Variants in TMEM132B observed in about 807,000 individuals in gnomAD.
TMEM132B encodes transmembrane protein 132B.
In TMEM132B, 18 loss-of-function variants were observed where a neutral mutation model predicts 90.8. The ratio of observed to expected loss-of-function variants is 0.20; its 90% CI spans 0.14 to 0.29. The LOEUF is 0.29. TMEM132B is among the 10% of genes least tolerant of loss of function. TMEM132B has a pLI of 1.00. For synonymous variants in TMEM132B, 504 were observed against 523.3 expected, an observed-to-expected ratio of 0.96 and a Z score of 0.50; for missense variants, 1,096 against 1,326.8, an observed-to-expected ratio of 0.83 and a Z score of 2.70.
intron 4 of TMEM132B, among the ~76,000 whole-genome samples, chr12:125,576,461 T>C (rs1884943393): frequency 6.9e-6 from 1 of 145,360 alleles, no homozygotes; most frequent in Non-Finnish European, 1.5e-5. Context: ...TTTCAATTAA[T>C]CCCCCCCACC....
At chr12:125,568,701 C>T (rs1176874045) in intron 4 of TMEM132B, among the ~76,000 whole-genome samples, 1 of 152,196 alleles carries the variant, frequency 6.6e-6, no homozygotes, top group Admixed American at 6.5e-5. Flanking sequence ...AGAGCTTTTA[C>T]CACTCACTTT....
intron 3 of TMEM132B, among the ~76,000 whole-genome samples, chr12:125,436,980 A>G (rs1880725648): frequency 6.6e-6 from 1 of 152,202 alleles, no homozygotes; most frequent in South Asian, 2.1e-4. Context: ...GGTCATCTCT[A>G]GAGCACAGGT....
At position 125,491,062 on chromosome 12, in the gene TMEM132B, A is replaced by T. The variant is rs558293152; in HGVS notation, c.1107-28377A>T. 7.9e-5 allele frequency among the ~76,000 whole-genome samples: 12 copies of T among 152,210 alleles called. No individual in the cohort carries two copies. The South Asian group carries it at 1.9e-3, about 24-fold the overall frequency. ...ACCAGTCAAGCCTTTGGATGACTGCAGCCCTGGATGACAGCTTGACTGCAA... is the reference window on the plus strand; with the variant it reads ...ACCAGTCAAGCCTTTGGATGACTGCTGCCCTGGATGACAGCTTGACTGCAA... On this transcript the variant is annotated intron_variant, in intron 3 of 8. Coordinates refer to ENST00000682704, the MANE Select transcript of TMEM132B (RefSeq NM_001366854.1).
chr12:125,268,454 T>G (rs1874746057), intron 1 of TMEM132B, among the ~76,000 whole-genome samples: 1 of 152,216 alleles, frequency 6.6e-6, no homozygotes, highest in Non-Finnish European at 1.5e-5. Context: ...TGTTGGTGCA[T>G]AGCCATACAG....
At position 125,656,904 on chromosome 12, in the gene TMEM132B, G is replaced by A. The variant is rs892561898; in HGVS notation, c.*2194G>A. ...AAATGATGAACCTCCGCTGAAACGGGGAGGAAATCTCTTACACACATACAG... is the reference window on the plus strand; with the variant it reads ...AAATGATGAACCTCCGCTGAAACGGAGAGGAAATCTCTTACACACATACAG... On this transcript the variant is annotated 3_prime_UTR_variant, in exon 9 of 9. Transcript: ENST00000682704. 1.3e-5 allele frequency: 2 copies of A among 152,228 alleles called. No individual in the cohort carries two copies. The highest frequency in any genetic ancestry group is 2.9e-5 in the Non-Finnish European group (2 of 68,058). The allele number at this position is 152,228 out of a possible 1,614,324, so 9.4% of individuals were successfully genotyped here.
intron 3 of TMEM132B, among the ~76,000 whole-genome samples, chr12:125,439,584 T>C (rs1405976397): frequency 6.6e-6 from 1 of 152,208 alleles, no homozygotes; most frequent in African/African-American, 2.4e-5. Flanking sequence ...ATTATGATGT[T>C]TTCTAGGTAT....
intron 4 of TMEM132B, 142 bp from the exon 5 acceptor site, chr12:125,583,709 C>G (rs971305879): frequency 1.4e-5 from 14 of 987,082 alleles, no homozygotes; most frequent in African/African-American, 1.1e-4. Context: ...TTTGTGTGAG[C>G]TTTGTGGCTT....
intron 5 of TMEM132B, among the ~76,000 whole-genome samples, chr12:125,605,083 T>C (rs1037987718): frequency 6.6e-6 from 1 of 152,240 alleles, no homozygotes; most frequent in African/African-American, 2.4e-5. Context: ...CCCATATGAA[T>C]GTGAATATGG....
chr12:125,483,433 G>C (rs1265106897), intron 3 of TMEM132B, among the ~76,000 whole-genome samples: 2 of 151,776 alleles, frequency 1.3e-5, no homozygotes, highest in Non-Finnish European at 2.9e-5. Context: ...AAACATTAAA[G>C]AAAAAAACAA....
At chr12:125,547,727 G>T (rs1884127271) in intron 4 of TMEM132B, among the ~76,000 whole-genome samples, 1 of 152,102 alleles carries the variant, frequency 6.6e-6, no homozygotes, top group Non-Finnish European at 1.5e-5. Context: ...CCTTCTCCAG[G>T]GTTACTCAGT....
chr12:125,466,375 G>A (rs770924305), intron 3 of TMEM132B, among the ~76,000 whole-genome samples: 10 of 152,178 alleles, frequency 6.6e-5, no homozygotes, highest in Non-Finnish European at 1.3e-4. Flanking sequence ...TCTGTTCCCT[G>A]ATATCGGAGG....
chr12:125,590,940 C>A (rs1456354180), intron 5 of TMEM132B, among the ~76,000 whole-genome samples: 1 of 152,156 alleles, frequency 6.6e-6, no homozygotes, highest in Non-Finnish European at 1.5e-5. Flanking sequence ...GCCCCAGATC[C>A]TATGACCTCA....
chr12:125,353,753 G>T (rs1877674122), intron 2 of TMEM132B, among the ~76,000 whole-genome samples: 1 of 152,170 alleles, frequency 6.6e-6, no homozygotes, highest in African/African-American at 2.4e-5. Context: ...GCCTCTAACA[G>T]ACAAGGAGGG....
chr12:125,571,701 T>G (rs1227405214), intron 4 of TMEM132B, among the ~76,000 whole-genome samples: 2 of 152,222 alleles, frequency 1.3e-5, no homozygotes, highest in Non-Finnish European at 2.9e-5. Flanking sequence ...TATTCTCTCT[T>G]TCAACACAAA....
chr12:125,190,709 G>A (rs552750606), intron 1 of TMEM132B, among the ~76,000 whole-genome samples: 1 of 32,140 alleles, frequency 3.1e-5, no homozygotes, highest in African/African-American at 1.3e-4. Context: ...TGGGGAAGGG[G>A]TGGTGATGGT....
At chr12:125,650,353 C>CA (rs1886874457) in intron 6 of TMEM132B, among the ~76,000 whole-genome samples, 1 of 152,176 alleles carries the variant, frequency 6.6e-6, no homozygotes, top group South Asian at 2.1e-4. Flanking sequence ...AGTTCTGACT[C>CA]ATATCTTAGG....
chr12:125,188,192 C>T (rs183326451), intron 1 of TMEM132B, among the ~76,000 whole-genome samples: 84 of 152,286 alleles, frequency 5.5e-4, no homozygotes, highest in African/African-American at 1.8e-3. Context: ...TCTCCGTCAG[C>T]GTTCGGCTTT....
chr12:125,553,167 G>A (rs1884279115), intron 4 of TMEM132B, among the ~76,000 whole-genome samples: 1 of 152,142 alleles, frequency 6.6e-6, no homozygotes, highest in African/African-American at 2.4e-5. Flanking sequence ...TAATTTGCAC[G>A]GGTTCTTTAG....
At chr12:125,240,668 G>C (rs1874043116) in intron 1 of TMEM132B, among the ~76,000 whole-genome samples, 1 of 152,178 alleles carries the variant, frequency 6.6e-6, no homozygotes, top group Non-Finnish European at 1.5e-5. Flanking sequence ...GGAATGCAGA[G>C]CATGTCAGCT....
Sources: gnomAD v4.1 joint callset for allele counts (sites outside exome capture counted in the v4.1 genomes callset) on GRCh38, gnomAD v4.1.1 for gene constraint, MANE v1.5 for transcripts, NCBI Gene and HGNC (gene_info 2026-07-23, HGNC 2026-07-21) for gene names.